The following ERMP1 variants were observed in gnomAD, a reference collection of about 807,000 sequenced individuals.
ERMP1 encodes endoplasmic reticulum metallopeptidase 1.
A neutral mutation model predicts 92.0 loss-of-function variants in ERMP1; 86 were observed. The observed-to-expected ratio is 0.93, with a 90% CI of 0.79 to 1.12. The LOEUF is 1.12. ERMP1 is among the 50% of genes most tolerant of loss of function. ERMP1 has a pLI of 0.00. For missense variants in ERMP1, 1,342 were observed against 1,116.3 expected (o/e 1.20, Z -2.88); for synonymous variants, 530 against 412.8 (o/e 1.28, Z -3.44).
Position 5,788,353 on chromosome 9 carries a change from C to A in ERMP1, c.2387-760G>T, listed in dbSNP as rs116645344. 3.4e-3 allele frequency among the ~76,000 whole-genome samples: 515 copies of A among 152,236 alleles called. 3 individuals are homozygous for A. The highest frequency in any genetic ancestry group is 0.012 in the African/African-American group (503 of 41,526). On this transcript the variant is annotated intron_variant, in intron 13 of 14. Coordinates refer to ENST00000339450, the MANE Select transcript of ERMP1 (RefSeq NM_024896.3). ...TCCAGTCAAAGAAAGGTTTACAGGGCAGGGACTTAAAAGTATATTATTGAA... is the reference window on the plus strand; with the variant it reads ...TCCAGTCAAAGAAAGGTTTACAGGGAAGGGACTTAAAAGTATATTATTGAA...
intron 11 of ERMP1, among the ~76,000 whole-genome samples, chr9:5,799,958 A>G (rs148309281): frequency 2.0e-5 from 3 of 152,356 alleles, no homozygotes; most frequent in African/African-American, 7.2e-5. Context: ...AGTGTCCTTC[A>G]GGACTATAAC....
rs187092026 is a variant in ERMP1, at chr9:5,849,079, G to A, written n.3199+10389C>T. The stretch of plus-strand genomic sequence containing the variant: ...TGCTCTGTCGCCAGGCTGGAGTGCA[G>A]TGGCACGATCTTGGCTCACTGCAAC... On this transcript the variant is annotated intron_variant and non_coding_transcript_variant, in intron 6 of 6. Transcript: ENST00000690753. 7.3e-3 allele frequency among the ~76,000 whole-genome samples: 1,114 copies of A among 152,254 alleles called. 14 individuals carry two copies. Among genetic ancestry groups the A allele is most frequent in the African/African-American group, 0.025 (1,053 of 41,536 alleles).
At chr9:5,825,280 T>A in intron 2 of ERMP1, 61 bp from the exon 3 acceptor site, 1 of 1,515,660 alleles carries the variant, frequency 6.6e-7, no homozygotes, top group Non-Finnish European at 8.9e-7. Context: ...TATGACCCAT[T>A]AGGACTAGGA....
intron 6 of ERMP1, among the ~76,000 whole-genome samples, chr9:5,847,666 C>T (rs1445409741): frequency 8.6e-5 from 13 of 152,032 alleles, no homozygotes; most frequent in African/African-American, 3.1e-4. Flanking sequence ...GAGGCCAAGG[C>T]GGGCGGATCA....
At position 5,832,709 on chromosome 9, in the gene ERMP1, A is replaced by C. The variant is rs1192268366; in HGVS notation, c.319T>G (p.Phe107Val). 1 of 1,480,632 alleles carries C rather than the reference A, an allele frequency of 6.8e-7. No individual in the cohort carries two copies. The highest frequency in any genetic ancestry group is 1.5e-5 in the African/African-American group (1 of 68,294). 91.7% of individuals were successfully genotyped at this position (1,480,632 alleles called of 1,614,324 possible). The change falls in exon 1 of 15, where the codon TTC becomes GTC. Residue 107 changes from phenylalanine to valine, a missense_variant. Phe to Val is a conservative substitution (Grantham distance 50). Coordinates refer to ENST00000339450, the MANE Select transcript of ERMP1 (RefSeq NM_024896.3). ...CGGTACCTGGCTTGGAGCGCGTCGAACTCCCCGCGGTGTCCAGCGGCCCCG... is the reference window on the plus strand; with the variant it reads ...CGGTACCTGGCTTGGAGCGCGTCGACCTCCCCGCGGTGTCCAGCGGCCCCG... Reference protein sequence around the residue: ...LRGAAGHRGEFDALQARDYLE... With the variant: ...LRGAAGHRGEVDALQARDYLE...
intron 13 of ERMP1, among the ~76,000 whole-genome samples, chr9:5,794,590 AAAGGAT>A (rs1222021412): frequency 6.6e-6 from 1 of 152,168 alleles, no homozygotes; most frequent in African/African-American, 2.4e-5. Flanking sequence ...ATGAACATTA[AAAGGAT>A]AATTAAGGAA....
chr9:5,863,308 T>C (rs532035630), intron 5 of ERMP1, among the ~76,000 whole-genome samples: 3 of 152,236 alleles, frequency 2.0e-5, no homozygotes, highest in African/African-American at 7.2e-5. Flanking sequence ...GACTTTAAAG[T>C]AGACGATGCC....
intron 13 of ERMP1, 31 bp from the exon 14 acceptor site, chr9:5,787,624 A>G (rs757960184): frequency 4.4e-6 from 7 of 1,588,814 alleles, no homozygotes; most frequent in Admixed American, 3.7e-5. Flanking sequence ...AGAACAGTTA[A>G]TCTTTTTAAA....
chr9:5,848,593 C>G lies in ERMP1; in HGVS notation n.3199+10875G>C, dbSNP rs972679565. On this transcript the variant is annotated intron_variant and non_coding_transcript_variant, in intron 6 of 6. Coordinates refer to the ERMP1 transcript ENST00000690753. ...TCAATAATTCATTTACAGGTCATGG[C>G]TAGCCATTTCTGGTTTTCTACAAGG... Among the ~76,000 whole-genome samples, 46 of 147,242 alleles carry G rather than the reference C, an allele frequency of 3.1e-4. 1 individual carries two copies. Among genetic ancestry groups the G allele is most frequent in the African/African-American group, 1.1e-3 (45 of 40,146 alleles).
At chr9:5,804,709 G>A (rs918040705) in intron 10 of ERMP1, among the ~76,000 whole-genome samples, 2 of 151,990 alleles carry the variant, frequency 1.3e-5, no homozygotes, top group African/African-American at 4.8e-5. Flanking sequence ...TTCACCACCA[G>A]GCAATCTCTA....
At position 5,785,862 on chromosome 9, in the gene ERMP1, TAAAA is replaced by T. The variant is rs1317846945; in HGVS notation, c.*1278_*1281del. ...TCCAACGTTTCACATTTCCTAATGA[TAAAA>T]AGAAAGCTTGCACAGTTTACCATTG... is the stretch of plus-strand genomic sequence containing the variant. On this transcript the variant is annotated 3_prime_UTR_variant, in exon 15 of 15. Coordinates refer to ENST00000339450, the MANE Select transcript of ERMP1 (RefSeq NM_024896.3). The T allele has an allele frequency of 2.0e-5, 3 of 152,178 alleles. No homozygotes were observed. The highest frequency in any genetic ancestry group is 4.8e-5 in the African/African-American group (2 of 41,448). The allele number at this position is 152,178 out of a possible 1,614,324, so 9.4% of individuals were successfully genotyped here.
intron 4 of ERMP1, among the ~76,000 whole-genome samples, chr9:5,817,602 C>G (rs1057445202): frequency 2.0e-5 from 3 of 152,240 alleles, no homozygotes; most frequent in African/African-American, 7.2e-5. Context: ...GACATTCTTT[C>G]TCCTGCCATC....
chr9:5,795,146 ACATGCCCATATCAATATATGCAGGAAAAG>A (rs752416259), intron 13 of ERMP1, among the ~76,000 whole-genome samples: 8 of 152,212 alleles, frequency 5.3e-5, no homozygotes, highest in Non-Finnish European at 1.0e-4. Flanking sequence ...AAGAAAAATC[ACATGCCCATATCAATATATGCAGGAAAAG>A]CAACTGACAA....
At chr9:5,824,836 TG>T (rs1181443449) in intron 3 of ERMP1, among the ~76,000 whole-genome samples, 1 of 152,216 alleles carries the variant, frequency 6.6e-6, no homozygotes, top group African/African-American at 2.4e-5. Context: ...AGAGTAATTA[TG>T]CCAGCGAGAG....
At position 5,794,840 on chromosome 9, in the gene ERMP1, C is replaced by T. The variant is rs548118489; in HGVS notation, c.2386+2977G>A. ...CCAAACATTTAAGGAAGGAATTATACTAATTCTCTACAAAGCTTTTCAGAA... is the reference window on the plus strand; with the variant it reads ...CCAAACATTTAAGGAAGGAATTATATTAATTCTCTACAAAGCTTTTCAGAA... On this transcript the variant is annotated intron_variant, in intron 13 of 14. Transcript: ENST00000339450. Among the ~76,000 whole-genome samples, 4 of 152,272 alleles carry T rather than the reference C, an allele frequency of 2.6e-5. No individual in the cohort carries two copies. In the East Asian group the frequency reaches 7.7e-4, roughly 29 times the overall value.
At chr9:5,805,872 A>C in intron 8 of ERMP1, 87 bp from the exon 9 acceptor site, 1 of 1,037,194 alleles carries the variant, frequency 9.6e-7, no homozygotes, top group South Asian at 1.8e-5. Context: ...TCCATCACTC[A>C]GGAAAGCTAC....
chr9:5,788,955 A>C (rs1025768565), intron 13 of ERMP1, among the ~76,000 whole-genome samples: 2 of 152,206 alleles, frequency 1.3e-5, no homozygotes, highest in African/African-American at 4.8e-5. Context: ...AACAGTCATA[A>C]AGACAGGAGA....
chr9:5,837,320 T>A (rs1830106406), upstream of ERMP1, among the ~76,000 whole-genome samples: 1 of 152,036 alleles, frequency 6.6e-6, no homozygotes, highest in South Asian at 2.1e-4. Context: ...AATTAGAACC[T>A]CATACCATAT....
At chr9:5,789,680 G>A (rs971937641) in intron 13 of ERMP1, among the ~76,000 whole-genome samples, 5 of 151,980 alleles carry the variant, frequency 3.3e-5, no homozygotes, top group Admixed American at 6.6e-5. Context: ...TGTCACCTAG[G>A]GTCGAGTGCA....
Sources: gnomAD v4.1 joint callset for allele counts (sites outside exome capture counted in the v4.1 genomes callset) on GRCh38, gnomAD v4.1.1 for gene constraint, MANE v1.5 for transcripts, NCBI Gene and HGNC (gene_info 2026-07-23, HGNC 2026-07-21) for gene names.